Variants in PCCA observed in about 807,000 individuals in gnomAD.
PCCA encodes the protein propionyl-CoA carboxylase alpha chain, mitochondrial.
In PCCA, 74 loss-of-function variants were observed where a neutral mutation model predicts 101.3. The ratio of observed to expected loss-of-function variants is 0.73; its 90% confidence interval spans 0.61 to 0.89. The LOEUF is 0.89. Among genes scored for constraint, PCCA ranks in the 40% least tolerant of loss-of-function variants. The probability of loss-of-function intolerance (pLI) is 0.00; values close to 1 mark genes in which losing one functional copy is unlikely to be tolerated. For missense variants in PCCA, 891 were observed against 907.0 expected (o/e 0.98, Z 0.23); for synonymous variants, 294 against 313.6 (o/e 0.94, Z 0.66).
chr13:100,218,821 A>G (rs2059660355), intron 7 of PCCA, among the ~76,000 whole-genome samples: 2 of 152,230 alleles, frequency 1.3e-5, no homozygotes, highest in Admixed American at 1.3e-4. Flanking sequence ...ACTTGATCTT[A>G]ACAGACTAGA....
intron 2 of PCCA, among the ~76,000 whole-genome samples, chr13:100,111,519 A>AT (rs1293100107): frequency 7.2e-5 from 11 of 152,170 alleles, no homozygotes; most frequent in Non-Finnish European, 1.0e-4. Flanking sequence ...TGGCTACAGA[A>AT]TATGTAGATA....
At chr13:100,133,879 C>G (rs1470320965) in intron 4 of PCCA, among the ~76,000 whole-genome samples, 1 of 152,178 alleles carries the variant, frequency 6.6e-6, no homozygotes, top group Non-Finnish European at 1.5e-5. Context: ...CGGCCTTCAT[C>G]TTTCTCTTGT....
chr13:100,481,858 A>G (rs1195148557), intron 21 of PCCA, among the ~76,000 whole-genome samples: 1 of 152,220 alleles, frequency 6.6e-6, no homozygotes, highest in African/African-American at 2.4e-5. Context: ...AACCTTGGAT[A>G]AGGGGGGACT....
chr13:100,269,763 G>A (rs1229838669), intron 11 of PCCA, among the ~76,000 whole-genome samples: 2 of 152,186 alleles, frequency 1.3e-5, no homozygotes, highest in Non-Finnish European at 2.9e-5. Context: ...TAGTAAGTGA[G>A]AATGTGAGTA....
chr13:100,421,095 T>C (rs1302678843), intron 19 of PCCA, among the ~76,000 whole-genome samples: 4 of 152,046 alleles, frequency 2.6e-5, no homozygotes, highest in African/African-American at 9.7e-5. Flanking sequence ...TAATTCCAGC[T>C]ACTCAGGAGG....
chr13:100,300,623 A>G (rs996604482), intron 12 of PCCA, among the ~76,000 whole-genome samples: 6 of 152,364 alleles, frequency 3.9e-5, no homozygotes, highest in Admixed American at 2.0e-4. Context: ...AACTTATTCA[A>G]GGTTTTAGAT....
At position 100,235,804 on chromosome 13, in the gene PCCA, A is replaced by G. The variant is rs748399579; in HGVS notation, c.601-38A>G. On this transcript the variant is annotated intron_variant, in intron 7 of 23. Coordinates refer to ENST00000376285, the MANE Select transcript of PCCA (RefSeq NM_000282.4). ...CCCTAAAGACATTGTGCAATGCCTCATGGGATTAATGTTGAGTCTCATTTC... is the reference window on the plus strand; with the variant it reads ...CCCTAAAGACATTGTGCAATGCCTCGTGGGATTAATGTTGAGTCTCATTTC... 3.3e-6 allele frequency: 5 copies of G among 1,492,706 alleles called. No homozygotes were observed. In the Admixed American group the frequency reaches 6.7e-5, roughly 20 times the overall value. 92.5% of individuals were successfully genotyped at this position (1,492,706 alleles called of 1,614,324 possible). A position where few individuals can be genotyped will look rare whatever the true frequency, so the allele number is the denominator to read the frequency against.
intron 16 of PCCA, among the ~76,000 whole-genome samples, chr13:100,326,731 T>C (rs1456906084): frequency 6.6e-6 from 1 of 152,118 alleles, no homozygotes; most frequent in Admixed American, 6.6e-5. Context: ...AAGACTGTTA[T>C]GATGATCCAC....
At chr13:100,220,205 A>G (rs2059739400) in intron 7 of PCCA, among the ~76,000 whole-genome samples, 1 of 152,112 alleles carries the variant, frequency 6.6e-6, no homozygotes, top group African/African-American at 2.4e-5. Flanking sequence ...TTCACAGGAA[A>G]GATTTTGGTA....
intron 18 of PCCA, among the ~76,000 whole-genome samples, chr13:100,367,138 C>A (rs1023725712): frequency 6.6e-6 from 1 of 152,174 alleles, no homozygotes; most frequent in Admixed American, 6.5e-5. Context: ...ATATGCAATA[C>A]CTAAATTAGG....
chr13:100,153,775 A>T (rs2053606532), intron 4 of PCCA, among the ~76,000 whole-genome samples: 2 of 152,206 alleles, frequency 1.3e-5, no homozygotes, highest in South Asian at 2.1e-4. Flanking sequence ...GGTATTATTA[A>T]ATAATTACCG....
chr13:100,325,039 T>C (rs559827606), intron 16 of PCCA, among the ~76,000 whole-genome samples: 2 of 152,240 alleles, frequency 1.3e-5, no homozygotes, highest in East Asian at 1.9e-4. Context: ...ATATGGTAGA[T>C]TGAGGTCTGC....
At chr13:100,460,277 G>C (rs1156397690) in intron 21 of PCCA, among the ~76,000 whole-genome samples, 1 of 152,130 alleles carries the variant, frequency 6.6e-6, no homozygotes, top group Non-Finnish European at 1.5e-5. Flanking sequence ...TTCACAATAA[G>C]AATAAATATT....
chr13:100,314,013 C>T (rs780136533), intron 16 of PCCA, among the ~76,000 whole-genome samples: 1 of 151,784 alleles, frequency 6.6e-6, no homozygotes, highest in African/African-American at 2.4e-5. Flanking sequence ...TATTATCTTG[C>T]CGTCTTTCAT....
chr13:100,186,979 CAT>C (rs1329899822), intron 6 of PCCA, among the ~76,000 whole-genome samples: 3 of 152,106 alleles, frequency 2.0e-5, no homozygotes, highest in Non-Finnish European at 2.9e-5. Context: ...AATGATGAAA[CAT>C]ATGTAACATG....
At chr13:100,484,971 C>T (rs1263005917) in intron 21 of PCCA, among the ~76,000 whole-genome samples, 2 of 152,130 alleles carry the variant, frequency 1.3e-5, no homozygotes, top group East Asian at 1.9e-4. Context: ...AGGCCTGAGA[C>T]GACTTAAATT....
rs2086873801 is a variant in PCCA, at chr13:100,516,938, TTG to T, written c.2040+1373_2040+1374del. Among the ~76,000 whole-genome samples the T allele has an allele frequency of 2.6e-5, 4 of 152,280 alleles. No homozygotes were observed. In the South Asian group the frequency reaches 8.3e-4, roughly 32 times the overall value. On this transcript the variant is annotated intron_variant, in intron 22 of 23. Transcript: ENST00000376285. ...TCGTAAACAATATAAGGGTTTTGTT[TTG>T]TTTTTTTCATTTTTCTTAAGTTTTT... is the stretch of plus-strand genomic sequence containing the variant.
chr13:100,286,088 G>C (rs1017265013), intron 12 of PCCA, among the ~76,000 whole-genome samples: 4 of 152,186 alleles, frequency 2.6e-5, no homozygotes, highest in African/African-American at 4.8e-5. Context: ...ATGTGTGTGG[G>C]GGGGAAGCAG....
At chr13:100,449,743 G>A (rs535285092) in intron 21 of PCCA, among the ~76,000 whole-genome samples, 7 of 152,312 alleles carry the variant, frequency 4.6e-5, no homozygotes, top group Non-Finnish European at 8.8e-5. Flanking sequence ...ATCCACCTCG[G>A]CTTCCCAAAG....
Sources: allele counts gnomAD v4.1 joint callset (sites outside exome capture counted in the v4.1 genomes callset), GRCh38; gene constraint gnomAD v4.1.1; transcripts MANE v1.5; gene names NCBI Gene and HGNC (gene_info 2026-07-23, HGNC 2026-07-21).